NXPE2: variants seen among roughly 807,000 people sequenced by gnomAD.
NXPE2 encodes neurexophilin and PC-esterase domain family member 2.
A neutral mutation model predicts 34.4 loss-of-function variants in NXPE2; 34 were observed. The ratio of observed to expected loss-of-function variants is 0.99; its 90% CI spans 0.75 to 1.31. NXPE2 has a LOEUF of 1.31. NXPE2 is among the 40% of genes most tolerant of loss of function. The pLI is 0.00. For synonymous variants in NXPE2, 235 were observed against 231.3 expected, an observed-to-expected ratio of 1.02 and a Z score of -0.15; for missense variants, 649 against 672.5, an observed-to-expected ratio of 0.97 and a Z score of 0.39.
the NXPE2 span, among the ~76,000 whole-genome samples, chr11:114,807,659 G>C: frequency 1.3e-5 from 2 of 151,322 alleles, no homozygotes; most frequent in African/African-American, 4.9e-5. Flanking sequence ...AAATATATAT[G>C]CAACCAATAC....
At chr11:114,472,847 A>G in the NXPE2 span, among the ~76,000 whole-genome samples, 1 of 152,186 alleles carries the variant, frequency 6.6e-6, no homozygotes. Flanking sequence ...TCATGATGTC[A>G]TCCTATCATA....
chr11:114,792,743 T>A, the NXPE2 span, among the ~76,000 whole-genome samples: 2 of 148,764 alleles, frequency 1.3e-5, no homozygotes. Context: ...GTGCAAATCC[T>A]CTTATATCAA....
chr11:114,572,201 A>G, the NXPE2 span, among the ~76,000 whole-genome samples: 1 of 152,164 alleles, frequency 6.6e-6, no homozygotes, highest in Non-Finnish European at 1.5e-5. Flanking sequence ...ACCCTGTGGG[A>G]CAAAAGAATC....
chr11:114,570,997 G>A, the NXPE2 span: 1 of 1,612,622 alleles, frequency 6.2e-7, no homozygotes, highest in African/African-American at 1.3e-5. Flanking sequence ...TGAGGTGGGT[G>A]TACATTATTT....
the NXPE2 span, among the ~76,000 whole-genome samples, chr11:114,784,501 A>G: frequency 6.6e-6 from 1 of 152,202 alleles, no homozygotes; most frequent in Non-Finnish European, 1.5e-5. Flanking sequence ...AGCAATCTTT[A>G]TATGGATCAG....
chr11:114,684,582 G>A (rs542677140), intron 2 of NXPE2, among the ~76,000 whole-genome samples: 112 of 152,146 alleles, frequency 7.4e-4, no homozygotes, highest in Non-Finnish European at 1.2e-3. Flanking sequence ...TAAGCACTTG[G>A]CTGAGGAGTT....
the NXPE2 span, among the ~76,000 whole-genome samples, chr11:114,573,144 C>T: frequency 4.4e-3 from 669 of 152,048 alleles, 10 homozygotes; most frequent in African/African-American, 0.015. Context: ...ATAGTCTTTT[C>T]GAGACAAATG....
the NXPE2 span, among the ~76,000 whole-genome samples, chr11:114,626,934 A>G: frequency 6.6e-5 from 10 of 152,058 alleles, no homozygotes; most frequent in African/African-American, 2.4e-4. Flanking sequence ...GGAAGATGAA[A>G]TGAATGAAAT....
At position 114,705,859 on chromosome 11, in the gene NXPE2, G is replaced by A. The variant is rs1363815865; in HGVS notation, c.1007G>A (p.Trp336Ter). 1.2e-5 allele frequency: 18 copies of A among 1,541,478 alleles called. No homozygotes were observed. Among genetic ancestry groups the A allele is most frequent in the Non-Finnish European group, 1.6e-5 (18 of 1,142,208 alleles). Residue 336 changes from tryptophan to a stop codon, truncating the protein, a stop_gained, in exon 5 of 6, where the codon TGG becomes TAG. Coordinates refer to ENST00000389586, the MANE Select transcript of NXPE2 (RefSeq NM_182495.6). LOFTEE classifies it high-confidence loss of function. ...FPSGYTLKKM[W>*]ITAFCKQIKF... ...AGTGGTTATACTTTGAAAAAAATGT[G>A]GATTACAGCATTTTGTAAACAGATC...
At chr11:114,556,697 G>A in the NXPE2 span, among the ~76,000 whole-genome samples, 1 of 151,730 alleles carries the variant, frequency 6.6e-6, no homozygotes, top group Non-Finnish European at 1.5e-5. Context: ...TTTTTAAAAT[G>A]TATTTTTTTC....
chr11:114,773,279 A>ACC, the NXPE2 span, among the ~76,000 whole-genome samples: 320 of 69,384 alleles, frequency 4.6e-3, 6 homozygotes, highest in Admixed American at 0.012. Context: ...ACCCACTCCC[A>ACC]CCCCCCCCCC....
the NXPE2 span, among the ~76,000 whole-genome samples, chr11:114,626,023 C>T: frequency 6.6e-6 from 1 of 152,218 alleles, no homozygotes; most frequent in Non-Finnish European, 1.5e-5. Flanking sequence ...TCAAAGGGTC[C>T]TACGCCCACG....
the NXPE2 span, among the ~76,000 whole-genome samples, chr11:114,499,132 C>T: frequency 3.3e-5 from 5 of 151,968 alleles, no homozygotes; most frequent in African/African-American, 9.7e-5. Flanking sequence ...GAAAATCACA[C>T]GTCTCATCCT....
At chr11:114,689,459 G>A (rs761773446) in intron 2 of NXPE2, among the ~76,000 whole-genome samples, 10 of 151,952 alleles carry the variant, frequency 6.6e-5, no homozygotes, top group Admixed American at 6.6e-4. Flanking sequence ...TGCTTGGTAT[G>A]ATTTCAATAT....
the NXPE2 span, among the ~76,000 whole-genome samples, chr11:114,640,586 G>A: frequency 6.8e-4 from 103 of 151,912 alleles, no homozygotes; most frequent in Non-Finnish European, 1.3e-3. Flanking sequence ...ATGCATAAGT[G>A]TTCCCTTTTC....
chr11:114,685,611 G>T (rs1253227820), intron 2 of NXPE2, among the ~76,000 whole-genome samples: 1 of 152,060 alleles, frequency 6.6e-6, no homozygotes, highest in Non-Finnish European at 1.5e-5. Flanking sequence ...TTGGGGAGAT[G>T]CAAGCATTTA....
the NXPE2 span, among the ~76,000 whole-genome samples, chr11:114,809,042 C>T: frequency 6.6e-6 from 1 of 152,146 alleles, no homozygotes; most frequent in Admixed American, 6.5e-5. Flanking sequence ...GTTCAACATA[C>T]ACAAATCAAT....
At chr11:114,762,135 C>T in the NXPE2 span, among the ~76,000 whole-genome samples, 3 of 152,026 alleles carry the variant, frequency 2.0e-5, no homozygotes, top group African/African-American at 7.2e-5. Context: ...AGGGAAAGGG[C>T]TTATAGAAGA....
intron 2 of NXPE2, among the ~76,000 whole-genome samples, chr11:114,686,469 T>C (rs1015895172): frequency 6.6e-6 from 1 of 152,174 alleles, no homozygotes; most frequent in African/African-American, 2.4e-5. Context: ...TTTGGCAGTG[T>C]AGTATTCCAT....
Sources: gnomAD v4.1 joint callset for allele counts (sites outside exome capture counted in the v4.1 genomes callset) on GRCh38, gnomAD v4.1.1 for gene constraint, MANE v1.5 for transcripts, NCBI Gene and HGNC (gene_info 2026-07-23, HGNC 2026-07-21) for gene names.